The following NCKAP5 variants were observed in gnomAD, a reference collection of about 807,000 sequenced individuals.
NCKAP5 encodes the protein nck-associated protein 5.
Under a neutral mutation model 167.0 loss-of-function variants are expected in NCKAP5, and 92 were observed. The ratio of observed to expected loss-of-function variants is 0.55; its 90% CI spans 0.47 to 0.66. The LOEUF is 0.66. Ranked by LOEUF, NCKAP5 falls within the 30% of genes least tolerant of loss-of-function variation. The pLI is 0.00. For synonymous variants in NCKAP5, 891 were observed against 877.4 expected (o/e 1.02, Z -0.27); for missense variants, 2,378 against 2,315.0 (o/e 1.03, Z -0.56).
At chr2:132,847,862 A>G (rs778696553) in intron 11 of NCKAP5, among the ~76,000 whole-genome samples, 3 of 152,222 alleles carry the variant, frequency 2.0e-5, no homozygotes, top group Non-Finnish European at 2.9e-5. Flanking sequence ...CAGAAAGCAG[A>G]TCTGTGGTTG....
intron 3 of NCKAP5, among the ~76,000 whole-genome samples, chr2:133,478,668 A>C (rs1247582188): frequency 1.3e-5 from 2 of 152,164 alleles, no homozygotes; most frequent in African/African-American, 4.8e-5. Flanking sequence ...TTTATGACGA[A>C]ACATACAGGA....
chr2:133,615,719 A>G, the NCKAP5 span, among the ~76,000 whole-genome samples: 2 of 152,196 alleles, frequency 1.3e-5, no homozygotes, highest in South Asian at 4.1e-4. Flanking sequence ...TTAACACCCC[A>G]CTGTCAACAT....
intron 3 of NCKAP5, among the ~76,000 whole-genome samples, chr2:133,388,787 G>T (rs1368848272): frequency 1.3e-5 from 2 of 152,222 alleles, no homozygotes; most frequent in East Asian, 1.9e-4. Context: ...ATCTCAGACT[G>T]CTGTGCTAGC....
chr2:133,035,087 G>T (rs1382805048), intron 6 of NCKAP5, among the ~76,000 whole-genome samples: 1 of 151,714 alleles, frequency 6.6e-6, no homozygotes, highest in Admixed American at 6.6e-5. Context: ...CATGCCAAAG[G>T]AAATCAAAAA....
At chr2:132,952,492 T>C (rs1000058767) in intron 8 of NCKAP5, among the ~76,000 whole-genome samples, 5 of 152,198 alleles carry the variant, frequency 3.3e-5, no homozygotes, top group Non-Finnish European at 5.9e-5. Flanking sequence ...AGAATGTTTT[T>C]TTCTTTCTCT....
intron 2 of NCKAP5, among the ~76,000 whole-genome samples, chr2:133,552,638 T>C (rs57623040): frequency 0.017 from 2,469 of 141,122 alleles, 85 homozygotes; most frequent in African/African-American, 0.063. Context: ...GAGATATACC[T>C]AATGCTAGAT....
intron 6 of NCKAP5, among the ~76,000 whole-genome samples, chr2:133,053,828 C>T (rs546509852): frequency 6.6e-6 from 1 of 152,310 alleles, no homozygotes; most frequent in Non-Finnish European, 1.5e-5. Flanking sequence ...TTTCCTAATT[C>T]TTAAGTAATC....
At chr2:132,871,824 C>A (rs1574477270) in intron 9 of NCKAP5, among the ~76,000 whole-genome samples, 1 of 152,308 alleles carries the variant, frequency 6.6e-6, no homozygotes, top group East Asian at 1.9e-4. Context: ...AGATTATAGA[C>A]ATGCTTTCCT....
intron 4 of NCKAP5, among the ~76,000 whole-genome samples, chr2:133,229,319 T>C (rs769983551): frequency 6.6e-6 from 1 of 152,082 alleles, no homozygotes; most frequent in African/African-American, 2.4e-5. Context: ...AAATAAGAAA[T>C]GAGGGCATTT....
chr2:133,617,188 C>A, the NCKAP5 span, among the ~76,000 whole-genome samples: 1 of 152,154 alleles, frequency 6.6e-6, no homozygotes, highest in Non-Finnish European at 1.5e-5. Flanking sequence ...AAATCCACAG[C>A]CAATATCATA....
chr2:132,866,057 T>C (rs1034307522), intron 10 of NCKAP5, among the ~76,000 whole-genome samples: 15 of 152,226 alleles, frequency 9.9e-5, no homozygotes, highest in Admixed American at 3.3e-4. Flanking sequence ...TTTCTGTTTC[T>C]GCCTGAATGG....
intron 3 of NCKAP5, among the ~76,000 whole-genome samples, chr2:133,340,442 C>G (rs1334176317): frequency 6.6e-6 from 1 of 152,154 alleles, no homozygotes; most frequent in Admixed American, 6.5e-5. Context: ...TCTTTTCTTC[C>G]TCCTCTCTTT....
chr2:133,483,463 G>A (rs1374199296), intron 3 of NCKAP5, among the ~76,000 whole-genome samples: 2 of 152,148 alleles, frequency 1.3e-5, no homozygotes, highest in Admixed American at 1.3e-4. Flanking sequence ...AAAATCCACT[G>A]ACTTAGAAAC....
At chr2:132,926,982 T>C (rs569685609) in intron 8 of NCKAP5, among the ~76,000 whole-genome samples, 2 of 152,336 alleles carry the variant, frequency 1.3e-5, no homozygotes, top group Non-Finnish European at 2.9e-5. Flanking sequence ...CTAGGTTTTA[T>C]TCTAGTTATT....
chr2:133,223,736 G>T (rs1223212534), intron 4 of NCKAP5, among the ~76,000 whole-genome samples: 1 of 152,126 alleles, frequency 6.6e-6, no homozygotes, highest in Non-Finnish European at 1.5e-5. Context: ...AAGCATAAAA[G>T]TCGGTAAGTT....
At chr2:133,316,544 C>T (rs958974749) in intron 3 of NCKAP5, among the ~76,000 whole-genome samples, 1 of 152,194 alleles carries the variant, frequency 6.6e-6, no homozygotes, top group Admixed American at 6.5e-5. Context: ...TATGCACTAA[C>T]ACATAAACCT....
chr2:133,169,542 A>G (rs1442599968), intron 5 of NCKAP5, among the ~76,000 whole-genome samples: 1 of 152,144 alleles, frequency 6.6e-6, no homozygotes, highest in African/African-American at 2.4e-5. Context: ...GACAATATTA[A>G]CCCAGGACTG....
chr2:133,595,605 G>C, the NCKAP5 span, among the ~76,000 whole-genome samples: 1 of 151,862 alleles, frequency 6.6e-6, no homozygotes, highest in Admixed American at 6.6e-5. Context: ...ACTTTCCTCT[G>C]GGGTCTCTGA....
In NCKAP5 at chr2:132,783,629, A is replaced by G. The variant is rs748075199; in HGVS notation, c.3182T>C (p.Ile1061Thr). Residue 1061 changes from isoleucine to threonine, a missense_variant, in exon 14 of 20, where the codon ATA becomes ACA. By Grantham distance (89) the Ile-to-Thr change is moderately conservative. Around this residue, in one of 3 missense-constraint regions of NCKAP5, gnomAD observed 1,325 missense variants for 1,274.5 expected, o/e 1.04. Transcript: ENST00000409261. ...AGAGATCCTGGGAGTCTGTAATCCT[A>G]TGTCCCTTTGTGGGGTCCCAAGTGT... ...RQTLGTPQRD[I>T]GLQTPRISPS... 1.2e-6 allele frequency: 2 copies of G among 1,613,850 alleles called. No homozygotes were observed. Among genetic ancestry groups the G allele is most frequent in the African/African-American group, 1.3e-5 (1 of 74,984 alleles).
Sources: allele counts gnomAD v4.1 joint callset (sites outside exome capture counted in the v4.1 genomes callset), GRCh38; gene constraint gnomAD v4.1.1; regional missense constraint gnomAD v4.1.1; transcripts MANE v1.5; gene names NCBI Gene and HGNC (gene_info 2026-07-23, HGNC 2026-07-21).